The following CDKL4 variants were observed in gnomAD, a reference collection of about 807,000 sequenced individuals.
CDKL4 encodes cyclin-dependent kinase-like 4.
A neutral mutation model predicts 42.0 loss-of-function variants in CDKL4; 44 were observed. The observed-to-expected ratio is 1.05, with a 90% CI of 0.82 to 1.35. The LOEUF is 1.35. Among genes scored for constraint, CDKL4 ranks in the 40% most tolerant of loss-of-function variants. The pLI is 0.00. For missense variants in CDKL4, 393 were observed against 369.9 expected (o/e 1.06, Z -0.51); for synonymous variants, 120 against 121.6 (o/e 0.99, Z 0.09).
At chr2:39,177,041 A>T (rs1236389473) in intron 9 of CDKL4, among the ~76,000 whole-genome samples, 10 of 152,056 alleles carry the variant, frequency 6.6e-5, no homozygotes, top group Non-Finnish European at 1.5e-5. Context: ...AGAGGTGGAT[A>T]GAATGCAGTT....
intron 9 of CDKL4, chr2:39,178,959 G>A (rs1334555095): frequency 1.4e-5 from 20 of 1,441,274 alleles, no homozygotes; most frequent in African/African-American, 1.0e-4. Context: ...GTTGCGTAAC[G>A]ATTTGATTCA....
chr2:39,197,241 A>G (rs1676570915), intron 5 of CDKL4, among the ~76,000 whole-genome samples: 1 of 152,234 alleles, frequency 6.6e-6, no homozygotes, highest in South Asian at 2.1e-4. Context: ...TCAGCGCTTG[A>G]AGACCAGACT....
At chr2:39,233,874 A>G (rs946322432) in intron 1 of CDKL4, among the ~76,000 whole-genome samples, 8 of 72,302 alleles carry the variant, frequency 1.1e-4, no homozygotes, top group Non-Finnish European at 2.3e-4. Flanking sequence ...AAAATTATTT[A>G]AGAAGATATA....
intron 5 of CDKL4, among the ~76,000 whole-genome samples, chr2:39,197,664 G>A (rs1451973876): frequency 1.3e-5 from 2 of 152,312 alleles, no homozygotes; most frequent in South Asian, 4.1e-4. Context: ...ACAAGCTAGA[G>A]GGGATTGAGG....
the CDKL4 span, among the ~76,000 whole-genome samples, chr2:39,169,900 T>C: frequency 6.6e-6 from 1 of 152,072 alleles, no homozygotes; most frequent in African/African-American, 2.4e-5. Flanking sequence ...CTGGCTCAAG[T>C]AAACCCGTCA....
At chr2:39,175,646 G>A (rs1231265897) in exon 10 of CDKL4, 4 of 172,038 alleles carry the variant, frequency 2.3e-5, no homozygotes. Context: ...AAGAAATTAT[G>A]TGGTCAGCTG....
At chr2:39,234,817 T>C (rs1047200028) in intron 1 of CDKL4, among the ~76,000 whole-genome samples, 6 of 152,036 alleles carry the variant, frequency 3.9e-5, no homozygotes, top group African/African-American at 1.4e-4. Context: ...CAAGGGAAAA[T>C]GAAAATCAAG....
chr2:39,184,469 T>A, intron 8 of CDKL4, 122 bp downstream of exon 8: 1 of 628,196 alleles, frequency 1.6e-6, no homozygotes, highest in Non-Finnish European at 2.8e-6. Context: ...CAGTTCTTTA[T>A]CATTTTCAAT....
intron 7 of CDKL4, among the ~76,000 whole-genome samples, chr2:39,184,891 C>A (rs1675632230): frequency 6.6e-6 from 1 of 151,700 alleles, no homozygotes; most frequent in African/African-American, 2.4e-5. Context: ...GGTGCCACCA[C>A]ACACAGCTAA....
intron 5 of CDKL4, among the ~76,000 whole-genome samples, chr2:39,191,444 C>T (rs1291353877): frequency 6.6e-6 from 1 of 152,108 alleles, no homozygotes; most frequent in African/African-American, 2.4e-5. Context: ...GGGGCCTCTC[C>T]TAGAGCCTTT....
At chr2:39,217,209 T>A (rs1677982224) in intron 3 of CDKL4, among the ~76,000 whole-genome samples, 1 of 152,182 alleles carries the variant, frequency 6.6e-6, no homozygotes, top group South Asian at 2.1e-4. Flanking sequence ...AAATATTATA[T>A]TTTGGGCCAG....
chr2:39,187,831 G>A, intron 6 of CDKL4, 122 bp from the exon 7 acceptor site: 3 of 635,448 alleles, frequency 4.7e-6, no homozygotes, highest in Non-Finnish European at 8.2e-6. Flanking sequence ...ACTTTGAGAG[G>A]CTACGGCAGG....
intron 5 of CDKL4, among the ~76,000 whole-genome samples, chr2:39,195,187 T>C (rs1285988883): frequency 6.6e-6 from 1 of 152,240 alleles, no homozygotes; most frequent in Non-Finnish European, 1.5e-5. Context: ...ATATACCACA[T>C]TTTGTTTATC....
Position 39,188,019 on chromosome 2 carries a change from G to A in CDKL4, c.653-310C>T, listed in dbSNP as rs1384505552. ...GGAGGCAGAGCTTGCAGTGAGCTGA[G>A]ATCATGCCACTGCACTCCAGCCTGG... On this transcript the variant is annotated intron_variant, in intron 6 of 9. Coordinates refer to ENST00000451199, the Ensembl canonical transcript of CDKL4. Among the ~76,000 whole-genome samples the A allele has an allele frequency of 2.0e-5, 3 of 152,120 alleles. No individual in the cohort carries two copies. In the East Asian group the frequency reaches 5.8e-4, roughly 29 times the overall value.
chr2:39,215,789 C>A (rs1001837825), intron 3 of CDKL4, among the ~76,000 whole-genome samples: 5 of 152,148 alleles, frequency 3.3e-5, no homozygotes, highest in African/African-American at 1.2e-4. Context: ...TGATCTTGTA[C>A]CACAATTATG....
chr2:39,199,829 G>C (rs1012563559), intron 5 of CDKL4, among the ~76,000 whole-genome samples: 2 of 151,932 alleles, frequency 1.3e-5, no homozygotes, highest in African/African-American at 4.8e-5. Flanking sequence ...GCACAGAAGG[G>C]ACATATCTTA....
chr2:39,195,872 G>C (rs755133748), intron 5 of CDKL4, among the ~76,000 whole-genome samples: 1 of 152,048 alleles, frequency 6.6e-6, no homozygotes, highest in Non-Finnish European at 1.5e-5. Context: ...TTGATAGGAG[G>C]CAGGACTAAC....
At chr2:39,171,819 G>A (rs961346071), downstream of CDKL4, among the ~76,000 whole-genome samples, 2 of 152,182 alleles carry the variant, frequency 1.3e-5, no homozygotes, top group African/African-American at 4.8e-5. Flanking sequence ...TTCAGGCGGC[G>A]TCACTCACCA....
At chr2:39,209,858 G>A (rs1389001847) in intron 4 of CDKL4, among the ~76,000 whole-genome samples, 1 of 152,152 alleles carries the variant, frequency 6.6e-6, no homozygotes, top group Non-Finnish European at 1.5e-5. Flanking sequence ...TATTGTGACA[G>A]CTTTATATAT....
Sources: gnomAD v4.1 joint callset for allele counts (sites outside exome capture counted in the v4.1 genomes callset) on GRCh38, gnomAD v4.1.1 for gene constraint, MANE v1.5 for transcripts, NCBI Gene and HGNC (gene_info 2026-07-23, HGNC 2026-07-21) for gene names.